The following DHRSX variants were observed in gnomAD, a reference collection of about 807,000 sequenced individuals.
DHRSX encodes polyprenol dehydrogenase.
In DHRSX, 31 loss-of-function variants were observed where a neutral mutation model predicts 34.0. That is an observed-to-expected ratio of 0.91 (90% CI 0.69 to 1.23). DHRSX has a LOEUF of 1.23. Among genes scored for constraint, DHRSX ranks in the 50% most tolerant of loss-of-function variants. The pLI is 0.00. For synonymous variants in DHRSX, 201 were observed against 183.8 expected, an observed-to-expected ratio of 1.09 and a Z score of -0.76; for missense variants, 414 against 428.1, an observed-to-expected ratio of 0.97 and a Z score of 0.29.
intron 1 of DHRSX, among the ~76,000 whole-genome samples, chrX:2,477,758 T>C (rs1284686349): frequency 6.6e-6 from 1 of 151,886 alleles, no homozygotes; most frequent in East Asian, 1.9e-4. Context: ...GGCAGGAGAA[T>C]TGCTCGAACC....
At chrX:2,313,292 G>A (rs1193978375) in intron 3 of DHRSX, among the ~76,000 whole-genome samples, 3 of 152,044 alleles carry the variant, frequency 2.0e-5, no homozygotes, top group Non-Finnish European at 4.4e-5. Flanking sequence ...ACAGGCATGA[G>A]CCACCGTACC....
intron 5 of DHRSX, 99 bp from the exon 6 acceptor site, chrX:2,243,329 T>C (rs2016188579): frequency 2.0e-6 from 2 of 1,024,690 alleles, no homozygotes; most frequent in African/African-American, 1.6e-5. Context: ...GCCACGTCTA[T>C]ACGCAGCCAC....
chrX:2,268,414 G>A (rs978347015), intron 4 of DHRSX, among the ~76,000 whole-genome samples: 1 of 152,166 alleles, frequency 6.6e-6, no homozygotes, highest in African/African-American at 2.4e-5. Context: ...TACACGTAAC[G>A]CAAATACAGG....
At chrX:2,324,941 G>GTT (rs1456014743) in intron 3 of DHRSX, among the ~76,000 whole-genome samples, 1 of 67,568 alleles carries the variant, frequency 1.5e-5, no homozygotes. Flanking sequence ...GCTAATTTTT[G>GTT]TTTTGTTTTT....
At chrX:2,329,014 G>T (rs2042424595) in intron 3 of DHRSX, among the ~76,000 whole-genome samples, 1 of 152,170 alleles carries the variant, frequency 6.6e-6, no homozygotes, top group Non-Finnish European at 1.5e-5. Context: ...GAGACATGTT[G>T]TCTTCTCTTC....
chrX:2,323,690 G>T (rs1317111288), intron 3 of DHRSX, among the ~76,000 whole-genome samples: 2 of 152,116 alleles, frequency 1.3e-5, no homozygotes, highest in Non-Finnish European at 1.5e-5. Flanking sequence ...GATCACTCGA[G>T]CCCGGGAGGC....
At chrX:2,485,122 G>A (rs2044854491) in intron 1 of DHRSX, among the ~76,000 whole-genome samples, 1 of 152,128 alleles carries the variant, frequency 6.6e-6, no homozygotes, top group Non-Finnish European at 1.5e-5. Flanking sequence ...AAACAAAACC[G>A]AACCGAAAAA....
chrX:2,445,084 G>A (rs2044112812), intron 1 of DHRSX, among the ~76,000 whole-genome samples: 1 of 152,136 alleles, frequency 6.6e-6, no homozygotes, highest in Non-Finnish European at 1.5e-5. Flanking sequence ...TTGAACCCAG[G>A]AGGTAGAGGT....
intron 3 of DHRSX, among the ~76,000 whole-genome samples, chrX:2,405,164 T>C (rs1421590397): frequency 2.0e-5 from 3 of 152,140 alleles, no homozygotes; most frequent in Non-Finnish European, 2.9e-5. Flanking sequence ...GGCTCAGCTC[T>C]GTGTAGCGTT....
intron 4 of DHRSX, among the ~76,000 whole-genome samples, chrX:2,270,869 GTAAAATGGACCAATCAATGCTCTA>G (rs1312763474): frequency 2.4e-5 from 3 of 123,644 alleles, no homozygotes; most frequent in Admixed American, 8.6e-5. Context: ...TCAGTGCTCT[GTAAAATGGACCAATCAATGCTCTA>G]TAAAATGGAC....
intron 1 of DHRSX, among the ~76,000 whole-genome samples, chrX:2,445,291 G>A (rs970863299): frequency 4.0e-4 from 61 of 152,228 alleles, no homozygotes; most frequent in Non-Finnish European, 7.5e-4. Flanking sequence ...GCTTTCCCAG[G>A]AACTGCGTAC....
intron 3 of DHRSX, among the ~76,000 whole-genome samples, chrX:2,386,581 G>A (rs1432545667): frequency 3.3e-5 from 5 of 152,162 alleles, no homozygotes; most frequent in Admixed American, 3.3e-4. Context: ...ATTTCAGCAT[G>A]TTGTTTTATC....
rs752409710 is a variant in DHRSX, at chrX:2,226,293, G to C, written c.805-5064C>G. The stretch of plus-strand genomic sequence containing the variant: ...GTCAGGGAGGGGAGAGACTTCAGGA[G>C]CATGAGCAATTACTCGAGTTCCCCT... On this transcript the variant is annotated intron_variant, in intron 6 of 6. Coordinates refer to ENST00000334651, the MANE Select transcript of DHRSX (RefSeq NM_145177.3). 3.5e-4 allele frequency among the ~76,000 whole-genome samples: 54 copies of C among 152,254 alleles called. No individual in the cohort carries two copies. In the South Asian group the frequency reaches 0.011, roughly 31 times the overall value.
chrX:2,234,835 C>T (rs1254270265), intron 6 of DHRSX, among the ~76,000 whole-genome samples: 5 of 152,170 alleles, frequency 3.3e-5, no homozygotes, highest in Admixed American at 1.3e-4. Context: ...CTCAGCTTCC[C>T]GAGTAGCTGG....
At chrX:2,461,354 C>T (rs1603123462) in intron 1 of DHRSX, among the ~76,000 whole-genome samples, 1 of 152,224 alleles carries the variant, frequency 6.6e-6, no homozygotes, top group African/African-American at 2.4e-5. Flanking sequence ...TCTGCACCCA[C>T]GGGTCCACCC....
Position 2,459,721 on chromosome X carries a change from C to T in DHRSX, c.110-34417G>A, listed in dbSNP as rs146910444. Among the ~76,000 whole-genome samples the T allele has an allele frequency of 1.8e-3, 270 of 152,052 alleles. 1 individual carries two copies. Among genetic ancestry groups the T allele is most frequent in the South Asian group, 0.013 (64 of 4,814 alleles). ...TTGAGGACAGCTATGACATATTTAA[C>T]GGTGTCTCCTCTTAATTCAATACAG... On this transcript the variant is annotated intron_variant, in intron 1 of 6. Transcript: ENST00000334651.
intron 1 of DHRSX, among the ~76,000 whole-genome samples, chrX:2,441,134 A>C (rs1423685562): frequency 6.6e-6 from 1 of 152,200 alleles, no homozygotes; most frequent in African/African-American, 2.4e-5. Flanking sequence ...CCAGGGTGCA[A>C]TGATCACACC....
At chrX:2,399,724 G>GA (rs2043461171) in intron 3 of DHRSX, among the ~76,000 whole-genome samples, 2 of 25,012 alleles carry the variant, frequency 8.0e-5, no homozygotes, top group Admixed American at 5.2e-4. Context: ...CAAACAAAAA[G>GA]CAAAAAAAAA....
At chrX:2,377,960 G>T (rs1462782305) in intron 3 of DHRSX, among the ~76,000 whole-genome samples, 1 of 152,082 alleles carries the variant, frequency 6.6e-6, no homozygotes, top group African/African-American at 2.4e-5. Context: ...GGATGGCCTC[G>T]ATCTCTTGAC....
Sources: gnomAD v4.1 joint callset for allele counts (sites outside exome capture counted in the v4.1 genomes callset) on GRCh38, gnomAD v4.1.1 for gene constraint, MANE v1.5 for transcripts, NCBI Gene and HGNC (gene_info 2026-07-23, HGNC 2026-07-21) for gene names.